The following TMEM243 variants were observed in gnomAD, a reference collection of about 807,000 sequenced individuals.
TMEM243 encodes transmembrane protein 243.
TMEM243 carries 20 observed loss-of-function variants against 15.0 expected under a neutral mutation model. That is an observed-to-expected ratio of 1.33 (90% confidence interval 0.94 to 1.93). The LOEUF is 1.93. Ranked by LOEUF, TMEM243 falls within the 30% of genes most tolerant of loss-of-function variation. TMEM243 has a pLI of 0.00. For missense variants in TMEM243, 156 were observed against 142.1 expected, an observed-to-expected ratio of 1.10 and a Z score of -0.50; for synonymous variants, 72 against 52.7, an observed-to-expected ratio of 1.37 and a Z score of -1.59.
chr7:87,197,762 G>C lies in TMEM243; in HGVS notation c.234+179C>G, dbSNP rs1309028260. The C allele has an allele frequency of 2.9e-6, 4 of 1,368,756 alleles. No homozygotes were observed. In the Admixed American group the frequency reaches 8.2e-5, roughly 28 times the overall value. 84.8% of individuals were successfully genotyped at this position (1,368,756 alleles called of 1,614,324 possible). A position where few individuals can be genotyped will look rare whatever the true frequency, so the allele number is the denominator to read the frequency against. ...TTTCTCTTTGGGGTTACAACTTTGG[G>C]ATTTAGGAGAAAAGGAGAAGACTCA... On this transcript the variant is annotated intron_variant, in intron 3 of 3. Transcript: ENST00000257637.
At chr7:87,198,123 G>T in intron 2 of TMEM243, 78 bp from the exon 3 acceptor site, 1 of 1,201,226 alleles carries the variant, frequency 8.3e-7, no homozygotes, top group Non-Finnish European at 1.2e-6. Context: ...CTAGGCAACA[G>T]TACTACAAAA....
chr7:87,197,370 C>G (rs1047270995), intron 3 of TMEM243, among the ~76,000 whole-genome samples: 4 of 151,978 alleles, frequency 2.6e-5, no homozygotes, highest in African/African-American at 9.7e-5. Flanking sequence ...ACAATGTAGC[C>G]AACTAATGAA....
At chr7:87,209,514 CAGTGAGAGAGAGAGTGAGAGAGAA>C (rs1562884371) in intron 1 of TMEM243, among the ~76,000 whole-genome samples, 5 of 91,388 alleles carry the variant, frequency 5.5e-5, no homozygotes, top group South Asian at 4.2e-4. Flanking sequence ...GTGAGAAAGA[CAGTGAGAGAGAGAGTGAGAGAGAA>C]AGTGAGAGAC....
chr7:87,202,428 G>C (rs1339387827), intron 1 of TMEM243, among the ~76,000 whole-genome samples: 1 of 152,214 alleles, frequency 6.6e-6, no homozygotes, highest in Non-Finnish European at 1.5e-5. Flanking sequence ...GAGAGGAAAA[G>C]AGCTGGAATG....
chr7:87,209,208 A>G (rs1802432212), intron 1 of TMEM243, among the ~76,000 whole-genome samples: 1 of 152,164 alleles, frequency 6.6e-6, no homozygotes, highest in Non-Finnish European at 1.5e-5. Flanking sequence ...GTTTAACTGA[A>G]TAACAGTTCC....
chr7:87,207,854 C>T (rs898051835), intron 1 of TMEM243, among the ~76,000 whole-genome samples: 1 of 152,188 alleles, frequency 6.6e-6, no homozygotes, highest in Non-Finnish European at 1.5e-5. Context: ...CAAGTGTCCT[C>T]CTCTGTCAGA....
At chr7:87,197,604 C>A in intron 3 of TMEM243, 1 of 643,298 alleles carries the variant, frequency 1.6e-6, no homozygotes. Flanking sequence ...TGGCATTTCC[C>A]AAAGACTGTT....
intron 1 of TMEM243, among the ~76,000 whole-genome samples, chr7:87,211,762 T>C (rs539700147): frequency 6.6e-5 from 10 of 152,320 alleles, no homozygotes; most frequent in African/African-American, 2.4e-4. Flanking sequence ...GAGCTTCCCC[T>C]TGCACTGTCA....
intron 1 of TMEM243, 34 bp from the exon 2 acceptor site, chr7:87,199,091 T>G: frequency 6.3e-7 from 1 of 1,576,712 alleles, no homozygotes; most frequent in African/African-American, 1.4e-5. Flanking sequence ...GCCATATGAC[T>G]TGGATCCATG....
chr7:87,201,194 C>T (rs140633034), intron 1 of TMEM243, among the ~76,000 whole-genome samples: 1 of 152,280 alleles, frequency 6.6e-6, no homozygotes, highest in East Asian at 1.9e-4. Flanking sequence ...TTTCTTTCTC[C>T]AAGCCAAGGC....
At position 87,196,437 on chromosome 7, in the gene TMEM243, C is replaced by T; in HGVS notation, c.*199G>A. ...CTTTAAGGGTTGGAATGTTTAGGTGCAACATCAGCTCCTTAAAGAAAAAGC... is the reference window on the plus strand; with the variant it reads ...CTTTAAGGGTTGGAATGTTTAGGTGTAACATCAGCTCCTTAAAGAAAAAGC... On this transcript the variant is annotated 3_prime_UTR_variant, in exon 4 of 4. Coordinates refer to ENST00000257637, the MANE Select transcript of TMEM243 (RefSeq NM_024315.4). The T allele has an allele frequency of 4.1e-6, 2 of 487,664 alleles. No individual in the cohort carries two copies. The highest frequency in any genetic ancestry group is 7.0e-6 in the Non-Finnish European group (2 of 284,810). 30.2% of individuals were successfully genotyped at this position (487,664 alleles called of 1,614,324 possible). A position where few individuals can be genotyped will look rare whatever the true frequency, so the allele number is the denominator to read the frequency against.
intron 1 of TMEM243, among the ~76,000 whole-genome samples, chr7:87,209,689 A>AGACACAGAGCGAGACACAGT (rs1237661489): frequency 3.3e-5 from 2 of 61,392 alleles, no homozygotes; most frequent in Non-Finnish European, 7.0e-5. Context: ...AGACACAGCG[A>AGACACAGAGCGAGACACAGT]GAGAGCGAGA....
At chr7:87,201,503 C>A (rs1422102747) in intron 1 of TMEM243, among the ~76,000 whole-genome samples, 2 of 152,154 alleles carry the variant, frequency 1.3e-5, no homozygotes, top group African/African-American at 4.8e-5. Context: ...CAGGGTACAG[C>A]TCCTTCCCTG....
chr7:87,210,521 C>T (rs1169551450), intron 1 of TMEM243, among the ~76,000 whole-genome samples: 3 of 152,204 alleles, frequency 2.0e-5, no homozygotes, highest in Non-Finnish European at 4.4e-5. Flanking sequence ...TAAACAGACC[C>T]ATTCCAAAAG....
chr7:87,213,298 A>C (rs1485352615), intron 1 of TMEM243, among the ~76,000 whole-genome samples: 2 of 152,262 alleles, frequency 1.3e-5, no homozygotes, highest in Non-Finnish European at 2.9e-5. Flanking sequence ...AGAGTACTAA[A>C]GAAAAAGTGA....
intron 1 of TMEM243, among the ~76,000 whole-genome samples, chr7:87,199,998 A>C (rs1401149089): frequency 1.3e-5 from 2 of 152,184 alleles, no homozygotes; most frequent in Admixed American, 1.3e-4. Context: ...CAGGATATGG[A>C]ACATGCCGCC....
chr7:87,215,899 G>A (rs1803073890), intron 1 of TMEM243, among the ~76,000 whole-genome samples: 1 of 152,142 alleles, frequency 6.6e-6, no homozygotes, highest in Non-Finnish European at 1.5e-5. Flanking sequence ...AGAACTTTGA[G>A]AGGCTGAGGT....
At chr7:87,203,142 C>T (rs1223276529) in intron 1 of TMEM243, 3 of 152,172 alleles carry the variant, frequency 2.0e-5, no homozygotes, top group East Asian at 1.9e-4. Flanking sequence ...TGCTTACAAG[C>T]GACATTGTAT....
At chr7:87,205,529 C>A (rs959066002) in intron 1 of TMEM243, among the ~76,000 whole-genome samples, 1 of 152,116 alleles carries the variant, frequency 6.6e-6, no homozygotes, top group African/African-American at 2.4e-5. Context: ...TTTCTTCTGC[C>A]AGATACCCTA....
Sources: allele counts gnomAD v4.1 joint callset (sites outside exome capture counted in the v4.1 genomes callset), GRCh38; gene constraint gnomAD v4.1.1; transcripts MANE v1.5; gene names NCBI Gene and HGNC (gene_info 2026-07-23, HGNC 2026-07-21).